Variants in TENM2 observed in about 807,000 individuals in gnomAD.
TENM2 encodes the protein teneurin transmembrane protein 2, also known as teneurin-2.
In TENM2, 52 loss-of-function variants were observed where a neutral mutation model predicts 245.2. That is an observed-to-expected ratio of 0.21 (90% CI 0.17 to 0.27). The LOEUF (loss-of-function observed/expected upper bound fraction) is 0.27. Ranked by LOEUF, TENM2 falls within the 10% of genes least tolerant of loss-of-function variation. TENM2 has a pLI of 1.00. For synonymous variants in TENM2, 1,363 were observed against 1,438.9 expected (o/e 0.95, Z 1.19); for missense variants, 3,046 against 3,666.8 (o/e 0.83, Z 4.37).
chr5:167,475,147 A>G (rs1767287435), intron 2 of TENM2, among the ~76,000 whole-genome samples: 2 of 152,326 alleles, frequency 1.3e-5, no homozygotes, highest in South Asian at 4.1e-4. Flanking sequence ...TTAGGTATAT[A>G]TAGAAATATG....
At chr5:167,974,652 T>C (rs906587735) in intron 4 of TENM2, among the ~76,000 whole-genome samples, 8 of 152,212 alleles carry the variant, frequency 5.3e-5, no homozygotes, top group Non-Finnish European at 1.0e-4. Flanking sequence ...TATTTTCATA[T>C]GAGGAAACGA....
At chr5:167,367,116 T>C (rs919012592) in intron 1 of TENM2, among the ~76,000 whole-genome samples, 2 of 152,142 alleles carry the variant, frequency 1.3e-5, no homozygotes, top group African/African-American at 4.8e-5. Context: ...CACCTTTTTC[T>C]TTGAAAGTTA....
At chr5:167,559,195 G>A (rs1387305643) in intron 2 of TENM2, among the ~76,000 whole-genome samples, 1 of 152,166 alleles carries the variant, frequency 6.6e-6, no homozygotes, top group Non-Finnish European at 1.5e-5. Flanking sequence ...TTGGTTGGTT[G>A]CACTTCTCAG....
chr5:167,524,321 C>T (rs924086319), intron 2 of TENM2, among the ~76,000 whole-genome samples: 1 of 152,106 alleles, frequency 6.6e-6, no homozygotes, highest in Non-Finnish European at 1.5e-5. Context: ...ACCTACTTCC[C>T]TATATTGTTT....
chr5:167,980,165 G>C (rs1321316135), intron 4 of TENM2, among the ~76,000 whole-genome samples: 1 of 152,194 alleles, frequency 6.6e-6, no homozygotes, highest in Non-Finnish European at 1.5e-5. Flanking sequence ...GGAAAGGCAT[G>C]TGACAAACAA....
chr5:167,814,299 T>A (rs531464347), intron 2 of TENM2, among the ~76,000 whole-genome samples: 6 of 151,998 alleles, frequency 3.9e-5, no homozygotes, highest in Non-Finnish European at 7.4e-5. Context: ...GTCCCCAGGA[T>A]GAAAAGTAGC....
chr5:167,122,240 G>A, the TENM2 span, among the ~76,000 whole-genome samples: 1 of 152,028 alleles, frequency 6.6e-6, no homozygotes, highest in Non-Finnish European at 1.5e-5. Flanking sequence ...CTAATTACAA[G>A]TAAAAAATAA....
intron 3 of TENM2, among the ~76,000 whole-genome samples, chr5:167,887,828 G>C (rs1459482052): frequency 6.6e-6 from 1 of 152,152 alleles, no homozygotes; most frequent in East Asian, 1.9e-4. Flanking sequence ...CACAGTTCTA[G>C]AGGCTACAAG....
At chr5:168,227,159 T>C (rs1003892461) in intron 24 of TENM2, among the ~76,000 whole-genome samples, 1 of 152,082 alleles carries the variant, frequency 6.6e-6, no homozygotes, top group African/African-American at 2.4e-5. Flanking sequence ...GCAGTGTATC[T>C]GTAAAAGGAG....
At chr5:167,701,155 G>A (rs1176710966) in intron 2 of TENM2, among the ~76,000 whole-genome samples, 15 of 152,148 alleles carry the variant, frequency 9.9e-5, no homozygotes, top group Non-Finnish European at 1.9e-4. Flanking sequence ...CAAGAAATGT[G>A]TGAGGTCTAT....
chr5:167,179,765 A>G, the TENM2 span, among the ~76,000 whole-genome samples: 7 of 152,220 alleles, frequency 4.6e-5, no homozygotes, highest in Middle Eastern at 3.4e-3. Flanking sequence ...CTGTTTTATC[A>G]TTGAAAGTTT....
At chr5:167,917,833 T>C in intron 3 of TENM2, among the ~76,000 whole-genome samples, 1 of 152,194 alleles carries the variant, frequency 6.6e-6, no homozygotes, top group East Asian at 1.9e-4. Flanking sequence ...TGAGTGACCT[T>C]CAAGGTAATA....
intron 2 of TENM2, among the ~76,000 whole-genome samples, chr5:167,813,958 T>A (rs1450639664): frequency 1.3e-5 from 2 of 152,150 alleles, no homozygotes; most frequent in Non-Finnish European, 2.9e-5. Flanking sequence ...GTGTTGAGGT[T>A]CATCTACAAT....
In TENM2 at chr5:168,085,744, C is replaced by T. The variant is rs2569046; in HGVS notation, c.1516-4830C>T. 7.6e-3 allele frequency among the ~76,000 whole-genome samples: 1,159 copies of T among 152,310 alleles called. 19 individuals are homozygous for T. Among genetic ancestry groups the T allele is most frequent in the African/African-American group, 0.026 (1,061 of 41,582 alleles). On this transcript the variant is annotated intron_variant, in intron 7 of 28. Coordinates refer to ENST00000518659, the Ensembl canonical transcript of TENM2. ...AAATGAACAGGCCCCCAGGAGTGAG[C>T]GACCCACTGCAGCTAAGTCATTCCC...
chr5:167,144,976 T>G, the TENM2 span, among the ~76,000 whole-genome samples: 1 of 152,194 alleles, frequency 6.6e-6, no homozygotes, highest in Non-Finnish European at 1.5e-5. Context: ...CTTTATTTCC[T>G]TGTCCTTATT....
chr5:167,212,189 G>A, the TENM2 span, among the ~76,000 whole-genome samples: 1 of 152,164 alleles, frequency 6.6e-6, no homozygotes, highest in Non-Finnish European at 1.5e-5. Flanking sequence ...AGAGGGAAGT[G>A]AAACAGCTCT....
the TENM2 span, among the ~76,000 whole-genome samples, chr5:167,041,024 T>C: frequency 2.0e-3 from 309 of 152,300 alleles, no homozygotes; most frequent in Middle Eastern, 0.01. Flanking sequence ...GGTTCATTCA[T>C]TTTTCCTTGA....
intron 2 of TENM2, among the ~76,000 whole-genome samples, chr5:167,406,461 A>C (rs1390742453): frequency 6.6e-6 from 1 of 152,178 alleles, no homozygotes; most frequent in Non-Finnish European, 1.5e-5. Flanking sequence ...GGGCCTGGTC[A>C]AATCCTTGAA....
intron 5 of TENM2, among the ~76,000 whole-genome samples, chr5:168,041,105 T>C (rs1290468478): frequency 6.6e-6 from 1 of 152,196 alleles, no homozygotes; most frequent in Non-Finnish European, 1.5e-5. Flanking sequence ...AGAGGGCCGA[T>C]GTCCTCCAGT....
Sources: gnomAD v4.1 joint callset for allele counts (sites outside exome capture counted in the v4.1 genomes callset) on GRCh38, gnomAD v4.1.1 for gene constraint, MANE v1.5 for transcripts, NCBI Gene and HGNC (gene_info 2026-07-23, HGNC 2026-07-21) for gene names.